The following PPP1R12A variants were observed in gnomAD, a reference collection of about 807,000 sequenced individuals.
The protein encoded by PPP1R12A is protein phosphatase 1 regulatory subunit 12A.
PPP1R12A carries 19 observed loss-of-function variants against 139.6 expected under a neutral mutation model. The observed-to-expected ratio is 0.14, with a 90% CI of 0.09 to 0.20. PPP1R12A has a LOEUF of 0.20. PPP1R12A is among the 10% of genes least tolerant of loss of function. The pLI, the probability that PPP1R12A is intolerant of heterozygous loss-of-function variation, is 1.00. For synonymous variants in PPP1R12A, 427 were observed against 420.6 expected, an observed-to-expected ratio of 1.02 and a Z score of -0.19; for missense variants, 925 against 1,211.5, an observed-to-expected ratio of 0.76 and a Z score of 3.51.
At chr12:79,871,569 G>A (rs751424846) in intron 2 of PPP1R12A, among the ~76,000 whole-genome samples, 2 of 152,074 alleles carry the variant, frequency 1.3e-5, no homozygotes, top group Non-Finnish European at 2.9e-5. Flanking sequence ...CCAAAGCCTA[G>A]AAAAGTTAAA....
At chr12:79,777,665 G>C in intron 24 of PPP1R12A, 1 of 977,780 alleles carries the variant, frequency 1.0e-6, no homozygotes, top group Non-Finnish European at 1.2e-6. Flanking sequence ...GCAGGAATCA[G>C]AACATAAAGA....
At chr12:79,857,196 T>C (rs550092731) in intron 2 of PPP1R12A, among the ~76,000 whole-genome samples, 13 of 152,142 alleles carry the variant, frequency 8.5e-5, no homozygotes, top group East Asian at 7.7e-4. Flanking sequence ...TGTCCAACAA[T>C]GATAGACTGG....
chr12:79,852,734 C>T (rs984499008), intron 2 of PPP1R12A, among the ~76,000 whole-genome samples: 4 of 152,164 alleles, frequency 2.6e-5, no homozygotes, highest in African/African-American at 9.7e-5. Flanking sequence ...TGACTCTCCA[C>T]TCCACCTCCA....
At chr12:79,923,060 A>C (rs1182937759) in intron 1 of PPP1R12A, among the ~76,000 whole-genome samples, 1 of 152,082 alleles carries the variant, frequency 6.6e-6, no homozygotes, top group Non-Finnish European at 1.5e-5. Context: ...AGATCACCTG[A>C]GGTCAGGAGT....
At chr12:79,918,380 T>C (rs540262635) in intron 1 of PPP1R12A, among the ~76,000 whole-genome samples, 27 of 152,190 alleles carry the variant, frequency 1.8e-4, no homozygotes, top group Non-Finnish European at 2.6e-4. Flanking sequence ...AGATAGCCTA[T>C]AGTGTACATT....
At chr12:79,812,445 G>A (rs1313010614) in intron 9 of PPP1R12A, among the ~76,000 whole-genome samples, 1 of 144,866 alleles carries the variant, frequency 6.9e-6, no homozygotes, top group African/African-American at 2.6e-5. Context: ...CAGGCTGTGT[G>A]TGTTTGTGTG....
intron 9 of PPP1R12A, among the ~76,000 whole-genome samples, chr12:79,815,523 A>AG (rs1202447722): frequency 6.6e-6 from 1 of 151,080 alleles, no homozygotes; most frequent in Admixed American, 6.6e-5. Flanking sequence ...TGCCTCAAAA[A>AG]GAAAAAAAAA....
At chr12:79,820,652 A>G in intron 8 of PPP1R12A, 122 bp downstream of exon 8, 4 of 892,942 alleles carry the variant, frequency 4.5e-6, no homozygotes, top group East Asian at 2.4e-5. Context: ...ATAATTTAGT[A>G]GTGTGGCAGG....
chr12:79,854,359 T>C (rs1372366450), intron 2 of PPP1R12A, among the ~76,000 whole-genome samples: 1 of 152,228 alleles, frequency 6.6e-6, no homozygotes, highest in African/African-American at 2.4e-5. Context: ...TATAAATATA[T>C]CCAAAATATT....
rs1025839082 is a variant in PPP1R12A at position 79,773,670 on chromosome 12, T to C, written c.*2259A>G. 1 of 152,214 alleles carries C rather than the reference T, an allele frequency of 6.6e-6. No individual in the cohort carries two copies. The highest frequency in any genetic ancestry group is 2.4e-5 in the African/African-American group (1 of 41,464). 9.4% of individuals were successfully genotyped at this position (152,214 alleles called of 1,614,324 possible). ...TTAAGATTGCATTTACAGATGTGCA[T>C]GTACAATGCTGTGCAAATTATCACA... is the stretch of plus-strand genomic sequence containing the variant. On this transcript the variant is annotated 3_prime_UTR_variant, in exon 25 of 25. Transcript: ENST00000450142.
intron 17 of PPP1R12A, 40 bp downstream of exon 17, chr12:79,796,742 A>G (rs1872554705): frequency 6.7e-7 from 1 of 1,493,052 alleles, no homozygotes; most frequent in South Asian, 1.2e-5. Context: ...AAAGGATTAT[A>G]TGAAGAAAGC....
chr12:79,934,939 C>A lies in PPP1R12A; in HGVS notation c.-8G>T, dbSNP rs1386825539. 3 of 1,580,306 alleles carry A rather than the reference C, an allele frequency of 1.9e-6. No individual in the cohort carries two copies. The highest frequency in any genetic ancestry group is 2.3e-5 in the East Asian group (1 of 43,176). ...CGCGTCCGCCATCTTCATCCCCTCT[C>A]CTGCCGCCGGGTCTTCTTATCGCGA... On this transcript the variant is annotated 5_prime_UTR_variant, in exon 1 of 25. Transcript: ENST00000450142.
intron 5 of PPP1R12A, among the ~76,000 whole-genome samples, chr12:79,826,521 C>T (rs907249526): frequency 6.6e-6 from 1 of 151,590 alleles, no homozygotes; most frequent in African/African-American, 2.4e-5. Flanking sequence ...CTTTTACTAT[C>T]ACATAAAGAT....
At chr12:79,888,042 C>T (rs1011076669) in intron 1 of PPP1R12A, among the ~76,000 whole-genome samples, 11 of 151,974 alleles carry the variant, frequency 7.2e-5, no homozygotes, top group Non-Finnish European at 1.6e-4. Flanking sequence ...AACAAGTGGG[C>T]CATAAAGAGA....
At chr12:79,832,631 G>T in intron 3 of PPP1R12A, 140 bp from the exon 4 acceptor site, 1 of 837,658 alleles carries the variant, frequency 1.2e-6, no homozygotes, top group Non-Finnish European at 1.7e-6. Flanking sequence ...CTTATAACAA[G>T]TTGGTTAAAC....
chr12:79,897,791 A>G (rs1173683537), intron 1 of PPP1R12A, among the ~76,000 whole-genome samples: 1 of 151,728 alleles, frequency 6.6e-6, no homozygotes, highest in African/African-American at 2.4e-5. Flanking sequence ...ACTCATTCCA[A>G]CTCTTCCAGT....
chr12:79,905,146 C>A (rs113554539), intron 1 of PPP1R12A, among the ~76,000 whole-genome samples: 162 of 152,152 alleles, frequency 1.1e-3, no homozygotes, highest in African/African-American at 3.8e-3. Context: ...GCTTAGTATA[C>A]CTAACAGCCT....
At chr12:79,803,214 T>C (rs1206482600) in intron 14 of PPP1R12A, among the ~76,000 whole-genome samples, 11 of 152,248 alleles carry the variant, frequency 7.2e-5, no homozygotes, top group Non-Finnish European at 1.5e-4. Context: ...CTTTATTTGA[T>C]AATTACCACC....
chr12:79,926,242 G>A (rs1887831967), intron 1 of PPP1R12A, among the ~76,000 whole-genome samples: 1 of 152,218 alleles, frequency 6.6e-6, no homozygotes, highest in Non-Finnish European at 1.5e-5. Context: ...CTGGAGTGAA[G>A]AGGCATGATC....
Sources: allele counts gnomAD v4.1 joint callset (sites outside exome capture counted in the v4.1 genomes callset), GRCh38; gene constraint gnomAD v4.1.1; transcripts MANE v1.5; gene names NCBI Gene and HGNC (gene_info 2026-07-23, HGNC 2026-07-21).